The following TMCO5A variants were observed in gnomAD, a reference collection of about 807,000 sequenced individuals.
TMCO5A encodes transmembrane and coiled-coil domains 5A.
In TMCO5A, 34 loss-of-function variants were observed where a neutral mutation model predicts 42.3. The observed-to-expected ratio is 0.80, with a 90% CI of 0.61 to 1.07. The LOEUF is 1.07. Ranked by LOEUF, TMCO5A falls within the 50% of genes least tolerant of loss-of-function variation. The pLI is 0.00. For synonymous variants in TMCO5A, 131 were observed against 115.6 expected, an observed-to-expected ratio of 1.13 and a Z score of -0.86; for missense variants, 357 against 327.9, an observed-to-expected ratio of 1.09 and a Z score of -0.69.
the TMCO5A span, among the ~76,000 whole-genome samples, chr15:37,976,505 A>G: frequency 6.6e-6 from 1 of 152,100 alleles, no homozygotes; most frequent in Non-Finnish European, 1.5e-5. Context: ...TATGTTTTCC[A>G]AGTTGCTTGC....
At chr15:37,975,210 T>A in the TMCO5A span, among the ~76,000 whole-genome samples, 1 of 152,156 alleles carries the variant, frequency 6.6e-6, no homozygotes, top group Non-Finnish European at 1.5e-5. Flanking sequence ...AAAACGTATA[T>A]TCTGTTGTTT....
In TMCO5A at chr15:37,949,716, A is replaced by T. The variant is rs192011971; in HGVS notation, c.669-1320A>T. Among the ~76,000 whole-genome samples, 63 of 152,242 alleles carry T rather than the reference A, an allele frequency of 4.1e-4. No individual in the cohort carries two copies. In the East Asian group the frequency reaches 8.7e-3, roughly 21 times the overall value. On this transcript the variant is annotated intron_variant, in intron 11 of 11. Transcript: ENST00000319669. ...GTTAAAGATGTAAATGCTAAAAAAA[A>T]AAAATAAAAATCTTCAAAACTCTGT...
chr15:37,952,273 C>A (rs899507668), downstream of TMCO5A, among the ~76,000 whole-genome samples: 1 of 152,054 alleles, frequency 6.6e-6, no homozygotes, highest in Admixed American at 6.6e-5. Flanking sequence ...AATCACCCCT[C>A]CCCTAATCCC....
intron 4 of TMCO5A, among the ~76,000 whole-genome samples, 173 bp downstream of exon 4, chr15:37,937,143 GT>G (rs1889546864): frequency 6.6e-6 from 1 of 152,100 alleles, no homozygotes; most frequent in South Asian, 2.1e-4. Context: ...CTTGGGCAAT[GT>G]TTAATCATTG....
chr15:38,026,970 C>T, the TMCO5A span, among the ~76,000 whole-genome samples: 27 of 152,314 alleles, frequency 1.8e-4, no homozygotes, highest in African/African-American at 6.0e-4. Context: ...ATAGAAACAC[C>T]TGGATGCCCA....
At chr15:37,964,186 G>C (rs1409803724) in intron 11 of TMCO5A, among the ~76,000 whole-genome samples, 1 of 152,110 alleles carries the variant, frequency 6.6e-6, no homozygotes, top group Non-Finnish European at 1.5e-5. Context: ...TTGTCCCATG[G>C]GGTGTTCCCT....
chr15:38,014,971 G>C, the TMCO5A span, among the ~76,000 whole-genome samples: 1 of 147,666 alleles, frequency 6.8e-6, no homozygotes, highest in Non-Finnish European at 1.5e-5. Flanking sequence ...GGAGCAAGGA[G>C]AGCCAGTCCA....
the TMCO5A span, among the ~76,000 whole-genome samples, chr15:37,982,813 C>CAT: frequency 3.0e-4 from 44 of 145,804 alleles, 1 homozygote; most frequent in East Asian, 4.5e-3. Flanking sequence ...TATTATATTT[C>CAT]ATATATATAT....
chr15:37,986,218 A>G, the TMCO5A span, among the ~76,000 whole-genome samples: 2 of 152,142 alleles, frequency 1.3e-5, no homozygotes, highest in Admixed American at 1.3e-4. Context: ...ATAGAAATTA[A>G]ATGAATGTAG....
chr15:38,018,658 A>AG, the TMCO5A span, among the ~76,000 whole-genome samples: 1 of 152,116 alleles, frequency 6.6e-6, no homozygotes, highest in Non-Finnish European at 1.5e-5. Flanking sequence ...AACGAAAAAA[A>AG]TAGAGAAAAT....
chr15:38,017,614 G>T, the TMCO5A span, among the ~76,000 whole-genome samples: 3 of 152,100 alleles, frequency 2.0e-5, no homozygotes, highest in Non-Finnish European at 4.4e-5. Flanking sequence ...TCAGTTGAGG[G>T]GCTCCTATTC....
chr15:38,030,391 T>A, the TMCO5A span, among the ~76,000 whole-genome samples: 1 of 152,120 alleles, frequency 6.6e-6, no homozygotes, highest in Non-Finnish European at 1.5e-5. Context: ...TCAGTTTAAT[T>A]CCTAAACCTC....
At chr15:37,951,475 A>G (rs189955070), downstream of TMCO5A, 8 of 441,840 alleles carry the variant, frequency 1.8e-5, no homozygotes, top group Non-Finnish European at 3.2e-5. Flanking sequence ...AACAAATTTG[A>G]CCATTTGGGG....
At chr15:38,035,939 GA>G in the TMCO5A span, among the ~76,000 whole-genome samples, 11 of 152,148 alleles carry the variant, frequency 7.2e-5, no homozygotes, top group African/African-American at 2.7e-4. Context: ...AGATATGTTT[GA>G]TGTACCACCC....
chr15:38,008,067 TC>T, the TMCO5A span, among the ~76,000 whole-genome samples: 1 of 151,662 alleles, frequency 6.6e-6, no homozygotes, highest in Non-Finnish European at 1.5e-5. Context: ...GGCTAATTTT[TC>T]ATATTTTTAG....
chr15:37,946,244 C>A (rs921087912), intron 10 of TMCO5A, among the ~76,000 whole-genome samples: 8 of 152,022 alleles, frequency 5.3e-5, no homozygotes, highest in African/African-American at 1.7e-4. Context: ...GTACTAGTAC[C>A]ACGCTGTTTT....
the TMCO5A span, among the ~76,000 whole-genome samples, chr15:38,006,964 A>G: frequency 2.0e-5 from 3 of 152,134 alleles, no homozygotes; most frequent in East Asian, 5.8e-4. Flanking sequence ...GCTGTAGACA[A>G]TGGATTAAAA....
At chr15:37,998,218 G>T in the TMCO5A span, among the ~76,000 whole-genome samples, 740 of 152,146 alleles carry the variant, frequency 4.9e-3, 11 homozygotes, top group African/African-American at 0.017. Flanking sequence ...GACCCCATTT[G>T]TCCACTTTTG....
At chr15:37,946,515 G>T (rs1262963112) in intron 10 of TMCO5A, among the ~76,000 whole-genome samples, 5 of 152,094 alleles carry the variant, frequency 3.3e-5, no homozygotes, top group Non-Finnish European at 7.4e-5. Context: ...TTTTCCATTT[G>T]TTTGAGTCCT....
Sources: allele counts gnomAD v4.1 joint callset (sites outside exome capture counted in the v4.1 genomes callset), GRCh38; gene constraint gnomAD v4.1.1; transcripts MANE v1.5; gene names NCBI Gene and HGNC (gene_info 2026-07-23, HGNC 2026-07-21).